TMEM181: variants seen among roughly 807,000 people sequenced by gnomAD.
The protein encoded by TMEM181 is transmembrane protein 181.
TMEM181 carries 39 observed loss-of-function variants against 71.9 expected under a neutral mutation model. The ratio of observed to expected loss-of-function variants is 0.54; its 90% CI spans 0.42 to 0.71. The LOEUF (loss-of-function observed/expected upper bound fraction) is 0.71. Ranked by LOEUF, TMEM181 falls within the 30% of genes least tolerant of loss-of-function variation. The pLI, the probability that TMEM181 is intolerant of heterozygous loss-of-function variation, is 0.00. For missense variants in TMEM181, 595 were observed against 583.0 expected (o/e 1.02, Z -0.21); for synonymous variants, 245 against 228.8 (o/e 1.07, Z -0.64).
At position 158,628,473 on chromosome 6, in the gene TMEM181, C is replaced by T. The variant is rs781363212; in HGVS notation, c.1175C>T (p.Ser392Leu). 1.2e-6 allele frequency: 2 copies of T among 1,614,176 alleles called. No homozygotes were observed. The highest frequency in any genetic ancestry group is 8.5e-7 in the Non-Finnish European group (1 of 1,180,016). Residue 392 changes from serine (S) to leucine (L), a missense_variant, in exon 14 of 17, where the codon TCA becomes TTA. Coordinates refer to ENST00000684151, the MANE Select transcript of TMEM181 (RefSeq NM_001376852.1). ...CAAGACAATTTTGTAGCAGAGCTGT[C>T]AACTCACTACCAGAATTATATCCTT... is the stretch of plus-strand genomic sequence containing the variant. ...VLQDNFVAELSTHYQNSAEFL... is the reference protein window; with the variant it reads ...VLQDNFVAELLTHYQNSAEFL...
chr6:158,568,583 G>A (rs1782643535), intron 1 of TMEM181, among the ~76,000 whole-genome samples: 1 of 152,196 alleles, frequency 6.6e-6, no homozygotes, highest in African/African-American at 2.4e-5. Context: ...GCCTCTATGT[G>A]TTTAGAAATA....
At chr6:158,564,601 C>G (rs771714498) in intron 1 of TMEM181, among the ~76,000 whole-genome samples, 1 of 152,230 alleles carries the variant, frequency 6.6e-6, no homozygotes, top group East Asian at 1.9e-4. Context: ...AATAGCTAGC[C>G]TGGCTGAGTT....
intron 11 of TMEM181, 141 bp from the exon 12 acceptor site, chr6:158,624,963 C>G (rs1485086742): frequency 4.2e-6 from 3 of 708,240 alleles, no homozygotes; most frequent in African/African-American, 1.8e-5. Flanking sequence ...CGGCTGGGAG[C>G]CCATTGTTCT....
chr6:158,579,668 G>A (rs1202291903), intron 2 of TMEM181, among the ~76,000 whole-genome samples: 2 of 152,076 alleles, frequency 1.3e-5, no homozygotes, highest in African/African-American at 2.4e-5. Flanking sequence ...GCAGTGAGCC[G>A]AGATCCTGCC....
At chr6:158,597,511 C>T (rs549279351) in intron 6 of TMEM181, among the ~76,000 whole-genome samples, 3 of 151,754 alleles carry the variant, frequency 2.0e-5, no homozygotes, top group Non-Finnish European at 4.4e-5. Flanking sequence ...GCTAGCCCCC[C>T]CTTTTTTGAG....
intron 8 of TMEM181, among the ~76,000 whole-genome samples, 196 bp downstream of exon 8, chr6:158,607,539 G>A (rs1269489891): frequency 6.6e-6 from 1 of 152,142 alleles, no homozygotes; most frequent in Admixed American, 6.5e-5. Flanking sequence ...GCATGGTGGT[G>A]CGTGCCTGTG....
intron 1 of TMEM181, among the ~76,000 whole-genome samples, chr6:158,561,233 G>A (rs536843723): frequency 6.6e-5 from 10 of 152,378 alleles, no homozygotes; most frequent in Admixed American, 3.3e-4. Flanking sequence ...AAGTGCCTGT[G>A]ACAGAGAGAT....
In TMEM181 at chr6:158,583,983, A is replaced by G. The variant is rs780358309; in HGVS notation, c.198A>G (p.Pro66=). ...AGCCAATTCAAATACTTTCAAATCC[A>G]CTGTCTACATACAATCAGCAACTAT... ...KLKPIQILSN[P]LSTYNQQLWL... is the part of the protein sequence containing the mutation. The change falls in exon 4 of 17, where the codon CCA becomes CCG. Residue 66 remains proline, a synonymous_variant. Transcript: ENST00000684151. 3.0e-5 allele frequency: 48 copies of G among 1,608,850 alleles called. No individual in the cohort carries two copies. The highest frequency in any genetic ancestry group is 4.0e-5 in the Non-Finnish European group (47 of 1,177,322).
intron 1 of TMEM181, among the ~76,000 whole-genome samples, chr6:158,549,912 A>C (rs1453765092): frequency 6.7e-6 from 1 of 148,624 alleles, no homozygotes; most frequent in Non-Finnish European, 1.5e-5. Flanking sequence ...TAAGTGCATA[A>C]GACTCCTCTT....
At chr6:158,593,312 T>C (rs1283670587) in intron 6 of TMEM181, among the ~76,000 whole-genome samples, 2 of 152,232 alleles carry the variant, frequency 1.3e-5, no homozygotes, top group East Asian at 1.9e-4. Context: ...GAATTAGAAG[T>C]GTTTCTATTA....
rs2128334761 is a variant in TMEM181, at chr6:158,632,876, T to C, written c.*988T>C. The C allele has an allele frequency of 6.6e-6, 1 of 152,568 alleles. No individual in the cohort carries two copies. The highest frequency in any genetic ancestry group is 2.4e-5 in the African/African-American group (1 of 41,576). 9.5% of individuals were successfully genotyped at this position (152,568 alleles called of 1,614,324 possible). A position where few individuals can be genotyped will look rare whatever the true frequency, so the allele number is the denominator to read the frequency against. On this transcript the variant is annotated 3_prime_UTR_variant, in exon 17 of 17. Transcript: ENST00000684151. ...TGAGCCCAGGAGTTTGAGACCAGCC[T>C]GGGCAACACAGGGAGACCCCGTCTC...
At chr6:158,586,945 G>C (rs905824502) in intron 5 of TMEM181, among the ~76,000 whole-genome samples, 1 of 152,178 alleles carries the variant, frequency 6.6e-6, no homozygotes, top group Admixed American at 6.5e-5. Flanking sequence ...GATCAGTACT[G>C]CTGAAGGGAT....
chr6:158,606,709 C>T (rs920389329), intron 7 of TMEM181, among the ~76,000 whole-genome samples: 2 of 152,246 alleles, frequency 1.3e-5, no homozygotes, highest in South Asian at 2.1e-4. Context: ...TGAAAAGAAA[C>T]GCATCCTCTG....
chr6:158,627,215 C>T (rs1391415498), intron 13 of TMEM181, among the ~76,000 whole-genome samples: 1 of 152,170 alleles, frequency 6.6e-6, no homozygotes, highest in African/African-American at 2.4e-5. Flanking sequence ...CACACACCCT[C>T]ACCCTCAAAT....
chr6:158,544,877 A>T (rs900214637), intron 1 of TMEM181, among the ~76,000 whole-genome samples: 2 of 152,258 alleles, frequency 1.3e-5, no homozygotes, highest in South Asian at 4.1e-4. Context: ...ACATGCTTCC[A>T]TAACTTAAAA....
intron 1 of TMEM181, among the ~76,000 whole-genome samples, chr6:158,568,162 A>T (rs976286811): frequency 6.6e-6 from 1 of 152,046 alleles, no homozygotes; most frequent in Non-Finnish European, 1.5e-5. Flanking sequence ...AGGGCATCTG[A>T]GATGGTGCCA....
Position 158,631,965 on chromosome 6 carries a change from T to C in TMEM181, c.*77T>C, listed in dbSNP as rs1209060091. The C allele has an allele frequency of 1.5e-5, 20 of 1,317,034 alleles. No individual in the cohort carries two copies. The highest frequency in any genetic ancestry group is 5.2e-5 in the South Asian group (4 of 76,422). 81.6% of individuals were successfully genotyped at this position (1,317,034 alleles called of 1,614,324 possible). A position where few individuals can be genotyped will look rare whatever the true frequency, so the allele number is the denominator to read the frequency against. On this transcript the variant is annotated 3_prime_UTR_variant, in exon 17 of 17. Transcript: ENST00000684151. Reference sequence around the variant, plus strand: ...ACCGTCTGCTGACCTTCCCCTGTTATATTCAGATTTTTCTTACAAGCAGAG... The same window carrying C: ...ACCGTCTGCTGACCTTCCCCTGTTACATTCAGATTTTTCTTACAAGCAGAG...
rs576070360 is a variant in TMEM181, at chr6:158,553,023, C to A, written c.131+16158C>A. Reference sequence around the variant, plus strand: ...GCAACATGGTGAGACCCCAGTCCTGCAAAACAATTAAAAAATTAGCCGGGT... The same window carrying A: ...GCAACATGGTGAGACCCCAGTCCTGAAAAACAATTAAAAAATTAGCCGGGT... On this transcript the variant is annotated intron_variant, in intron 1 of 16. Transcript: ENST00000367090. 2.6e-5 allele frequency among the ~76,000 whole-genome samples: 4 copies of A among 152,012 alleles called. No individual in the cohort carries two copies. In the South Asian group the frequency reaches 8.3e-4, roughly 32 times the overall value.
rs192188142 is a variant in TMEM181 at position 158,591,657 on chromosome 6, A to G, written c.492+1875A>G. The stretch of plus-strand genomic sequence containing the variant: ...AATCATCTGTGCTTTAGACTTTGCT[A>G]TTTCAGAATCATTCTGATTCAACAG... On this transcript the variant is annotated intron_variant, in intron 6 of 16. Coordinates refer to ENST00000684151, the MANE Select transcript of TMEM181 (RefSeq NM_001376852.1). Among the ~76,000 whole-genome samples the G allele has an allele frequency of 8.5e-5, 13 of 152,058 alleles. No individual in the cohort carries two copies. The East Asian group carries it at 2.5e-3, about 29-fold the overall frequency.
Sources: allele counts gnomAD v4.1 joint callset (sites outside exome capture counted in the v4.1 genomes callset), GRCh38; gene constraint gnomAD v4.1.1; transcripts MANE v1.5; gene names NCBI Gene and HGNC (gene_info 2026-07-23, HGNC 2026-07-21).